TRPC5: variants seen among roughly 807,000 people sequenced by gnomAD.
TRPC5 encodes short transient receptor potential channel 5.
TRPC5 carries 9 observed loss-of-function variants against 56.5 expected under a neutral mutation model. That is an observed-to-expected ratio of 0.16 (90% CI 0.10 to 0.28). The LOEUF (loss-of-function observed/expected upper bound fraction) is 0.28. TRPC5 is among the 10% of genes least tolerant of loss of function. The pLI is 1.00. For missense variants in TRPC5, 469 were observed against 748.9 expected, an observed-to-expected ratio of 0.63 and a Z score of 4.36; for synonymous variants, 282 against 278.5, an observed-to-expected ratio of 1.01 and a Z score of -0.13.
At chrX:111,891,502 A>G (rs1223759319) in intron 3 of TRPC5, among the ~76,000 whole-genome samples, 3 of 111,608 alleles carry the variant, frequency 2.7e-5, no homozygotes, top group African/African-American at 9.8e-5. Flanking sequence ...TCAATTGTAA[A>G]ATAGGTATAA....
chrX:111,939,129 A>T (rs774481291), intron 2 of TRPC5, among the ~76,000 whole-genome samples: 1 of 112,030 alleles, frequency 8.9e-6, no homozygotes, highest in East Asian at 2.8e-4. Context: ...AGGTTATCAA[A>T]TGTTTCTTCA....
At chrX:111,854,464 TC>T (rs1339256818) in intron 3 of TRPC5, among the ~76,000 whole-genome samples, 2 of 111,686 alleles carry the variant, frequency 1.8e-5, no homozygotes, top group African/African-American at 6.5e-5. Flanking sequence ...AAAATCTAAA[TC>T]CCCAGGTCCT....
intron 1 of TRPC5, among the ~76,000 whole-genome samples, chrX:112,068,251 A>T (rs906475298): frequency 3.6e-5 from 4 of 112,421 alleles, no homozygotes; most frequent in African/African-American, 9.7e-5. Flanking sequence ...AGGAAGACTG[A>T]ACAGTGTCCT....
chrX:112,073,354 C>T (rs1052780736), intron 1 of TRPC5, among the ~76,000 whole-genome samples: 4 of 111,179 alleles, frequency 3.6e-5, no homozygotes, highest in African/African-American at 9.8e-5. Context: ...ACTGTAACCT[C>T]CACCTCCTGA....
At chrX:112,025,504 C>T (rs941316834) in intron 1 of TRPC5, among the ~76,000 whole-genome samples, 3 of 111,811 alleles carry the variant, frequency 2.7e-5, no homozygotes, top group African/African-American at 6.5e-5. Flanking sequence ...ATAATCACTG[C>T]CTTGGCATTC....
chrX:112,067,896 G>A (rs755415058), intron 1 of TRPC5, among the ~76,000 whole-genome samples: 1 of 112,342 alleles, frequency 8.9e-6, no homozygotes, highest in South Asian at 3.7e-4. Flanking sequence ...CCGAATCCTT[G>A]ATGATCACTT....
chrX:112,006,819 G>C (rs1298864546), intron 1 of TRPC5, among the ~76,000 whole-genome samples: 1 of 111,780 alleles, frequency 8.9e-6, no homozygotes, highest in Non-Finnish European at 1.9e-5. Flanking sequence ...TGTGTAAGAT[G>C]GGTCCAGATG....
At chrX:111,911,960 A>G (rs187855153) in intron 3 of TRPC5, among the ~76,000 whole-genome samples, 204 of 111,875 alleles carry the variant, frequency 1.8e-3, no homozygotes, top group African/African-American at 6.5e-3. Flanking sequence ...TAAAGTGATC[A>G]TTTACTCTAT....
At chrX:112,034,705 G>A (rs964045439) in intron 1 of TRPC5, among the ~76,000 whole-genome samples, 1 of 109,869 alleles carries the variant, frequency 9.1e-6, no homozygotes, top group Non-Finnish European at 1.9e-5. Flanking sequence ...GGTAATTTGT[G>A]TGTTTCCAGT....
In TRPC5 at chrX:112,027,112, CCTT is replaced by C. The variant is rs758469372; in HGVS notation, c.-22+54764_-22+54766del. ...AGACTCTGAACTTGCCCTTTAGTGA[CCTT>C]CTCTAAGTTTTGGCCTTCTAGAAGC... On this transcript the variant is annotated intron_variant, in intron 1 of 10. Coordinates refer to ENST00000262839, the MANE Select transcript of TRPC5 (RefSeq NM_012471.3). 8.2e-4 allele frequency among the ~76,000 whole-genome samples: 92 copies of C among 111,730 alleles called. 2 individuals are homozygous for C. The South Asian group carries it at 0.032, about 38-fold the overall frequency.
At chrX:111,911,487 G>C in intron 3 of TRPC5, among the ~76,000 whole-genome samples, 1 of 112,186 alleles carries the variant, frequency 8.9e-6, no homozygotes, top group Non-Finnish European at 1.9e-5. Context: ...CATAGTCCCT[G>C]CTTTTTCCGT....
chrX:111,952,410 A>C lies in TRPC5; in HGVS notation c.11T>G (p.Leu4Arg). The change falls in exon 2 of 11, where the codon CTG (leucine) becomes CGG (arginine). Residue 4 changes from leucine to arginine, a missense_variant. Physicochemically the swap from Leu to Arg is moderately radical, Grantham distance 102. Around this residue, in one of 3 missense-constraint regions of TRPC5, gnomAD observed 118 missense variants for 167.1 expected, o/e 0.71. Coordinates refer to ENST00000262839, the MANE Select transcript of TRPC5 (RefSeq NM_012471.3). ...TGAGTAGTTGACCTTTTTGTAGTAC[A>C]GTTGGGCCATGGTTCATAGCAATGC... The part of the protein sequence containing the change: MAQ[L>R]YYKKVNYSPY... 8.3e-7 allele frequency: 1 copy of C among 1,202,579 alleles called. No homozygotes were observed. Among genetic ancestry groups the C allele is most frequent in the Non-Finnish European group, 1.1e-6 (1 of 890,971 alleles).
intron 10 of TRPC5, among the ~76,000 whole-genome samples, chrX:111,777,877 CTG>C (rs1945890985): frequency 8.9e-6 from 1 of 112,796 alleles, no homozygotes; most frequent in Non-Finnish European, 1.9e-5. Context: ...TCCCTCCTCT[CTG>C]TGTTTCCACA....
intron 3 of TRPC5, among the ~76,000 whole-genome samples, chrX:111,911,762 T>C (rs1228026349): frequency 8.9e-6 from 1 of 112,008 alleles, no homozygotes; most frequent in East Asian, 2.8e-4. Flanking sequence ...AAATGTGTTT[T>C]TTAGCCTTCT....
At chrX:112,051,611 CTA>C (rs779396802) in intron 1 of TRPC5, among the ~76,000 whole-genome samples, 2 of 112,290 alleles carry the variant, frequency 1.8e-5, no homozygotes, top group Non-Finnish European at 3.8e-5. Context: ...TGCCAGAAAA[CTA>C]TTTTTTAAAT....
Position 111,788,739 on chromosome X carries a change from C to T in TRPC5, c.1897-6601G>A, listed in dbSNP as rs752330843. Among the ~76,000 whole-genome samples, 20 of 111,232 alleles carry T rather than the reference C, an allele frequency of 1.8e-4. No individual in the cohort carries two copies. The East Asian group carries it at 5.6e-3, about 31-fold the overall frequency. Reference sequence around the variant, plus strand: ...AGTCTCAGGATACAAAATCAATGTGCAAAAATCACAAGCATTCTTATACAC... The same window carrying T: ...AGTCTCAGGATACAAAATCAATGTGTAAAAATCACAAGCATTCTTATACAC... On this transcript the variant is annotated intron_variant, in intron 7 of 10. Transcript: ENST00000262839.
rs760239190 is a variant in TRPC5, at chrX:111,778,049, T to C, written c.2232+936A>G. On this transcript the variant is annotated intron_variant, in intron 10 of 10. Coordinates refer to ENST00000262839, the MANE Select transcript of TRPC5 (RefSeq NM_012471.3). ...TAGCAGACCCTCAGTAGATGAATTA[T>C]GTCTATGAATTAGGATAATGGACTT... is the stretch of plus-strand genomic sequence containing the variant. Among the ~76,000 whole-genome samples, 118 of 112,132 alleles carry C rather than the reference T, an allele frequency of 1.1e-3. 1 individual carries two copies. In the South Asian group the frequency reaches 0.017, roughly 16 times the overall value.
chrX:112,081,375 A>G (rs1930962017), intron 1 of TRPC5, among the ~76,000 whole-genome samples: 1 of 111,701 alleles, frequency 9.0e-6, no homozygotes, highest in South Asian at 3.8e-4. Context: ...TTAAGTTTGA[A>G]GGATACAAGA....
chrX:111,928,449 A>G (rs987314305), intron 2 of TRPC5, among the ~76,000 whole-genome samples: 1 of 109,369 alleles, frequency 9.1e-6, no homozygotes, highest in Non-Finnish European at 1.9e-5. Context: ...ATTTTGAGAG[A>G]AAAAAAACAC....
Sources: allele counts gnomAD v4.1 joint callset (sites outside exome capture counted in the v4.1 genomes callset), GRCh38; gene constraint gnomAD v4.1.1; regional missense constraint gnomAD v4.1.1; transcripts MANE v1.5; gene names NCBI Gene and HGNC (gene_info 2026-07-23, HGNC 2026-07-21).